The following ADK variants were observed in gnomAD, a reference collection of about 807,000 sequenced individuals.
ADK encodes the protein adenosine kinase.
In ADK, 24 loss-of-function variants were observed where a neutral mutation model predicts 44.7. The ratio of observed to expected loss-of-function variants is 0.54; its 90% confidence interval spans 0.39 to 0.76. The LOEUF (loss-of-function observed/expected upper bound fraction) is 0.76. Ranked by LOEUF, ADK falls within the 30% of genes least tolerant of loss-of-function variation. The probability of loss-of-function intolerance (pLI) is 0.00; values close to 1 mark genes in which losing one functional copy is unlikely to be tolerated. For missense variants in ADK, 321 were observed against 425.1 expected, an observed-to-expected ratio of 0.76 and a Z score of 2.15; for synonymous variants, 128 against 142.6, an observed-to-expected ratio of 0.90 and a Z score of 0.73.
intron 10 of ADK, among the ~76,000 whole-genome samples, chr10:74,678,214 A>G (rs1398782159): frequency 1.3e-5 from 2 of 152,080 alleles, no homozygotes; most frequent in Non-Finnish European, 2.9e-5. Flanking sequence ...ACAGAAAGCA[A>G]GAGAGAGCTA....
chr10:74,267,964 T>A (rs1846280299), intron 3 of ADK, among the ~76,000 whole-genome samples: 1 of 152,074 alleles, frequency 6.6e-6, no homozygotes, highest in African/African-American at 2.4e-5. Context: ...AAAATTTGGA[T>A]CTTATTAGGG....
intron 6 of ADK, among the ~76,000 whole-genome samples, chr10:74,407,210 C>A (rs1843973758): frequency 6.6e-6 from 1 of 152,154 alleles, no homozygotes; most frequent in Non-Finnish European, 1.5e-5. Flanking sequence ...CCTGTCTCGA[C>A]CTCCCAAATT....
chr10:74,281,818 C>A (rs1846949446), intron 3 of ADK, among the ~76,000 whole-genome samples: 2 of 152,072 alleles, frequency 1.3e-5, no homozygotes, highest in Admixed American at 6.5e-5. Context: ...AATTTATTTT[C>A]TTTTTAAAAA....
chr10:74,298,686 C>T (rs1839898443), intron 3 of ADK, among the ~76,000 whole-genome samples: 1 of 151,954 alleles, frequency 6.6e-6, no homozygotes, highest in South Asian at 2.1e-4. Context: ...TGGGAGAATC[C>T]ACTTGAGCCC....
At chr10:74,539,214 A>G (rs73274157) in intron 7 of ADK, among the ~76,000 whole-genome samples, 4,557 of 152,170 alleles carry the variant, frequency 0.03, 196 homozygotes, top group African/African-American at 0.092. Flanking sequence ...TCAGTTAGAG[A>G]CAGGGTCTCA....
At chr10:74,385,597 A>G (rs528665613) in intron 4 of ADK, among the ~76,000 whole-genome samples, 1 of 152,318 alleles carries the variant, frequency 6.6e-6, no homozygotes, top group Non-Finnish European at 1.5e-5. Context: ...TATTGGTGGA[A>G]TGAATTGAAT....
intron 6 of ADK, among the ~76,000 whole-genome samples, chr10:74,463,089 T>C (rs1466182522): frequency 6.6e-6 from 1 of 152,108 alleles, no homozygotes; most frequent in African/African-American, 2.4e-5. Context: ...TTATTTTTTT[T>C]CTAGTTTTAA....
intron 7 of ADK, among the ~76,000 whole-genome samples, chr10:74,535,537 T>A (rs1849419451): frequency 6.6e-6 from 1 of 151,668 alleles, no homozygotes; most frequent in African/African-American, 2.4e-5. Context: ...CAAGAAAAAC[T>A]CTAGAATGTC....
intron 6 of ADK, among the ~76,000 whole-genome samples, chr10:74,522,973 TC>T (rs957776462): frequency 2.6e-5 from 4 of 151,934 alleles, no homozygotes; most frequent in African/African-American, 7.2e-5. Context: ...TGCCCACCCT[TC>T]CCCGCAAAAA....
chr10:74,222,789 C>G (rs111587169), intron 2 of ADK, among the ~76,000 whole-genome samples: 4,753 of 145,888 alleles, frequency 0.033, 268 homozygotes, highest in African/African-American at 0.11. Context: ...CATATTCTCA[C>G]TCATAGGTGG....
At chr10:74,694,062 G>T (rs1464497012) in intron 10 of ADK, among the ~76,000 whole-genome samples, 1 of 148,562 alleles carries the variant, frequency 6.7e-6, no homozygotes, top group Non-Finnish European at 1.5e-5. Context: ...GTGTAATGTA[G>T]CTTATTATAG....
chr10:74,354,990 A>G (rs1485830507), intron 4 of ADK, among the ~76,000 whole-genome samples: 1 of 152,216 alleles, frequency 6.6e-6, no homozygotes, highest in African/African-American at 2.4e-5. Context: ...ACAAATATTC[A>G]TTCCATACAT....
intron 10 of ADK, among the ~76,000 whole-genome samples, chr10:74,700,932 C>A (rs1365903569): frequency 2.6e-5 from 4 of 152,118 alleles, no homozygotes; most frequent in African/African-American, 4.8e-5. Flanking sequence ...CCAATCTTTT[C>A]TTAAGTAAAA....
intron 7 of ADK, among the ~76,000 whole-genome samples, chr10:74,571,008 A>G (rs1434005852): frequency 6.6e-6 from 1 of 152,172 alleles, no homozygotes; most frequent in African/African-American, 2.4e-5. Flanking sequence ...GAGTTGTTGA[A>G]TTTTATCAAA....
intron 6 of ADK, among the ~76,000 whole-genome samples, chr10:74,399,072 A>G (rs932382601): frequency 1.3e-5 from 2 of 151,926 alleles, no homozygotes; most frequent in African/African-American, 4.8e-5. Context: ...AATCTCTTAA[A>G]TCTGGGAACA....
chr10:74,633,715 C>G (rs772222452), intron 9 of ADK, among the ~76,000 whole-genome samples: 28 of 152,128 alleles, frequency 1.8e-4, no homozygotes, highest in Non-Finnish European at 3.7e-4. Flanking sequence ...CCTGGAGACA[C>G]TGGAGAAGAA....
chr10:74,691,436 A>G (rs555117463), intron 10 of ADK, among the ~76,000 whole-genome samples: 1 of 152,224 alleles, frequency 6.6e-6, no homozygotes. Context: ...GCTTGTCACT[A>G]CTATACAGTG....
chr10:74,255,235 A>G (rs1845784815), intron 3 of ADK, among the ~76,000 whole-genome samples: 1 of 152,138 alleles, frequency 6.6e-6, no homozygotes, highest in Non-Finnish European at 1.5e-5. Context: ...GAAGTAAGGA[A>G]TAAAGTCTTG....
rs1564642239 is a variant in ADK at position 74,302,101 on chromosome 10, G to GTTTTTTTTTTTT, written c.195-12563_195-12562insTTTTTTTTTTTT. ...TTCTTTTCTTTTCTGTTTTTTTTTT[G>GTTTTTTTTTTTT]TTTGTTTGTTTTTTTTTTTTTTTTT... On this transcript the variant is annotated intron_variant, in intron 3 of 10. Coordinates refer to ENST00000539909, the MANE Select transcript of ADK (RefSeq NM_006721.4). 1.1e-3 allele frequency among the ~76,000 whole-genome samples: 13 copies of GTTTTTTTTTTTT among 11,694 alleles called. 2 individuals are homozygous for GTTTTTTTTTTTT. The highest frequency in any genetic ancestry group is 2.9e-3 in the Admixed American group (3 of 1,022). The allele number at this position is 11,694 out of a possible 152,430, so 7.7% of individuals were successfully genotyped here.
Sources: gnomAD v4.1 joint callset for allele counts (sites outside exome capture counted in the v4.1 genomes callset) on GRCh38, gnomAD v4.1.1 for gene constraint, MANE v1.5 for transcripts, NCBI Gene and HGNC (gene_info 2026-07-23, HGNC 2026-07-21) for gene names.